The following KDM4C variants were observed in gnomAD, a reference collection of about 807,000 sequenced individuals.
The protein encoded by KDM4C is lysine-specific demethylase 4C.
KDM4C carries 81 observed loss-of-function variants against 129.3 expected under a neutral mutation model. That is an observed-to-expected ratio of 0.63 (90% CI 0.52 to 0.75). The LOEUF is 0.75. Ranked by LOEUF, KDM4C falls within the 30% of genes least tolerant of loss-of-function variation. The pLI, the probability that KDM4C is intolerant of heterozygous loss-of-function variation, is 0.00. For synonymous variants in KDM4C, 573 were observed against 456.1 expected (o/e 1.26, Z -3.26); for missense variants, 1,457 against 1,304.0 (o/e 1.12, Z -1.81).
chr9:6,776,108 G>A (rs770253228), intron 1 of KDM4C, among the ~76,000 whole-genome samples: 28 of 152,078 alleles, frequency 1.8e-4, no homozygotes, highest in Non-Finnish European at 3.4e-4. Context: ...TTTAGAGATG[G>A]AGGCCTCACT....
rs1844257752 is a variant in KDM4C, at chr9:7,165,258, G to C, written c.2802G>C (p.Leu934=). The change falls in exon 20 of 22, where the codon CTG becomes CTC. Residue 934 remains leucine (L), a synonymous_variant. Coordinates refer to ENST00000381309, the MANE Select transcript of KDM4C (RefSeq NM_015061.6). ...TGCAGAGCCGAGACTGTCTGAAGCT[G>C]GGCCCACCTGCTGAGGGAGAAGTCG... The part of the protein sequence containing the change: ...EDIVSRDCLK[L]GPPAEGEVVQ... 2.5e-6 allele frequency: 4 copies of C among 1,614,148 alleles called. No individual in the cohort carries two copies. Among genetic ancestry groups the C allele is most frequent in the Non-Finnish European group, 3.4e-6 (4 of 1,180,026 alleles).
intron 8 of KDM4C, among the ~76,000 whole-genome samples, chr9:6,899,662 A>G (rs572705569): frequency 1.9e-3 from 293 of 152,286 alleles, no homozygotes; most frequent in African/African-American, 6.7e-3. Flanking sequence ...ACATAGTCAC[A>G]TTATGTCCTC....
chr9:7,073,479 A>G lies in KDM4C; in HGVS notation c.2424+24279A>G, dbSNP rs145019516. Among the ~76,000 whole-genome samples the G allele has an allele frequency of 6.5e-4, 99 of 152,346 alleles. No individual in the cohort carries two copies. The East Asian group carries it at 0.015, about 23-fold the overall frequency. ...CTCCCATGTTCTCTCCCACTAAGCT[A>G]TACTCACCTTTGTGGTGGTAGCTTC... On this transcript the variant is annotated intron_variant, in intron 17 of 21. Transcript: ENST00000381309.
intron 17 of KDM4C, among the ~76,000 whole-genome samples, chr9:7,085,648 A>G (rs1227833542): frequency 6.6e-6 from 1 of 152,110 alleles, no homozygotes; most frequent in African/African-American, 2.4e-5. Flanking sequence ...CCCTGCTCAT[A>G]GGAGCGAGAG....
intron 17 of KDM4C, among the ~76,000 whole-genome samples, chr9:7,060,110 A>T (rs1245544488): frequency 2.0e-5 from 3 of 151,960 alleles, no homozygotes; most frequent in African/African-American, 7.2e-5. Flanking sequence ...TTTATTATTT[A>T]TGATATCCTG....
chr9:6,954,732 G>A (rs1334722967), intron 8 of KDM4C, among the ~76,000 whole-genome samples: 1 of 152,156 alleles, frequency 6.6e-6, no homozygotes, highest in Non-Finnish European at 1.5e-5. Flanking sequence ...GCCCAACAAT[G>A]GAGAGTGAAA....
chr9:6,818,053 C>T (rs1974194), intron 4 of KDM4C, among the ~76,000 whole-genome samples: 63,742 of 151,906 alleles, frequency 0.42, 13,664 homozygotes, highest in East Asian at 0.61. Flanking sequence ...GTGTGAGCCA[C>T]CGCACCCTGC....
chr9:6,917,066 G>A lies in KDM4C; in HGVS notation c.921+23834G>A, dbSNP rs189736515. Among the ~76,000 whole-genome samples the A allele has an allele frequency of 3.9e-5, 6 of 152,188 alleles. No individual in the cohort carries two copies. The East Asian group carries it at 7.7e-4, about 20-fold the overall frequency. ...GTTGTTGTTCAAGAGTTAAAATATC[G>A]TTTATATAGGTATGAATTATTTTCA... On this transcript the variant is annotated intron_variant, in intron 8 of 21. Transcript: ENST00000381309.
At chr9:6,777,912 AGGC>A (rs1823429309) in intron 1 of KDM4C, among the ~76,000 whole-genome samples, 1 of 146,090 alleles carries the variant, frequency 6.8e-6, no homozygotes, top group Non-Finnish European at 1.5e-5. Context: ...ACAGGTTTTC[AGGC>A]CTTTTTTTTT....
chr9:6,914,679 T>C (rs913905474), intron 8 of KDM4C, among the ~76,000 whole-genome samples: 1 of 152,212 alleles, frequency 6.6e-6, no homozygotes, highest in Admixed American at 6.5e-5. Context: ...TGATTAGGCA[T>C]TGAGGGCTCC....
chr9:6,757,486 G>A (rs1350079925), upstream of KDM4C, among the ~76,000 whole-genome samples: 1 of 152,250 alleles, frequency 6.6e-6, no homozygotes, highest in Non-Finnish European at 1.5e-5. Flanking sequence ...GTGGGAAGGA[G>A]GCTCAGTGGT....
At chr9:6,740,176 C>T (rs923981584) in intron 1 of KDM4C, among the ~76,000 whole-genome samples, 1 of 151,932 alleles carries the variant, frequency 6.6e-6, no homozygotes, top group Admixed American at 6.6e-5. Context: ...AGGTGTGCGA[C>T]ACCACACCCA....
chr9:6,830,365 G>A (rs1477299245), intron 4 of KDM4C, among the ~76,000 whole-genome samples: 5 of 152,238 alleles, frequency 3.3e-5, no homozygotes, highest in Non-Finnish European at 4.4e-5. Context: ...GAGGGAGGTC[G>A]TGGAGCTGCT....
intron 3 of KDM4C, among the ~76,000 whole-genome samples, chr9:6,809,498 C>G (rs566563836): frequency 3.9e-5 from 6 of 152,230 alleles, no homozygotes; most frequent in Non-Finnish European, 8.8e-5. Flanking sequence ...GGGATACTTA[C>G]TAAAAACTAT....
At position 7,073,107 on chromosome 9, in the gene KDM4C, GT is replaced by G. The variant is rs763916475; in HGVS notation, c.2424+23910del. 5.3e-5 allele frequency among the ~76,000 whole-genome samples: 8 copies of G among 152,102 alleles called. No individual in the cohort carries two copies. The East Asian group carries it at 1.4e-3, about 26-fold the overall frequency. On this transcript the variant is annotated intron_variant, in intron 17 of 21. Transcript: ENST00000381309. ...AGCAACATTCCACCCCATGCTCAGT[GT>G]TTACTCTCCTCTGGACGACATGGGA... is the stretch of plus-strand genomic sequence containing the variant.
chr9:6,926,762 A>G (rs1332909386), intron 8 of KDM4C, among the ~76,000 whole-genome samples: 1 of 152,242 alleles, frequency 6.6e-6, no homozygotes, highest in Non-Finnish European at 1.5e-5. Context: ...ACAGATTGTT[A>G]AAAGAAACTC....
intron 9 of KDM4C, among the ~76,000 whole-genome samples, chr9:6,981,342 C>T (rs1232340876): frequency 1.3e-5 from 2 of 152,218 alleles, no homozygotes; most frequent in Admixed American, 6.5e-5. Context: ...AGTTGCTCGA[C>T]ATGGCAAATA....
chr9:6,986,909 G>T (rs960550247), intron 11 of KDM4C: 2 of 417,888 alleles, frequency 4.8e-6, no homozygotes, highest in South Asian at 6.0e-5. Flanking sequence ...TCTTTTTTTT[G>T]TTAAAAAATT....
rs547871053 is a variant in KDM4C at position 6,934,522 on chromosome 9, A to G, written c.921+41290A>G. Among the ~76,000 whole-genome samples the G allele has an allele frequency of 6.1e-5, 9 of 147,674 alleles. No homozygotes were observed. In the South Asian group the frequency reaches 2.1e-3, roughly 34 times the overall value. ...TAATTTTATCTAAAATTAAATACCAACTTATATCCTCTCTCTTTTTTTTTG... is the reference window on the plus strand; with the variant it reads ...TAATTTTATCTAAAATTAAATACCAGCTTATATCCTCTCTCTTTTTTTTTG... On this transcript the variant is annotated intron_variant, in intron 8 of 21. Transcript: ENST00000381309.
Sources: allele counts gnomAD v4.1 joint callset (sites outside exome capture counted in the v4.1 genomes callset), GRCh38; gene constraint gnomAD v4.1.1; transcripts MANE v1.5; gene names NCBI Gene and HGNC (gene_info 2026-07-23, HGNC 2026-07-21).